The following MALAT1 variants were observed in gnomAD, a reference collection of about 807,000 sequenced individuals.
The protein encoded by MALAT1 is metastasis associated lung adenocarcinoma transcript 1.
intron 2 of MALAT1, chr11:65,498,828 A>G (rs1263305017): frequency 1.9e-6 from 1 of 518,850 alleles, no homozygotes; most frequent in South Asian, 1.4e-5. Flanking sequence ...TGCAGCTCAA[A>G]TCTTTCCACA....
chr11:65,500,889 A>C, exon 3 of MALAT1: 1 of 516,600 alleles, frequency 1.9e-6, no homozygotes, highest in Admixed American at 2.0e-5. Context: ...ATGGGGACGT[A>C]GGCCGATTTC....
At chr11:65,504,389 G>T in intron 3 of MALAT1, 1 of 518,656 alleles carries the variant, frequency 1.9e-6, no homozygotes, top group Non-Finnish European at 3.8e-6. Flanking sequence ...AGTAAATGCA[G>T]TACTGTTCTG....
In MALAT1 at chr11:65,505,334, ACTC is replaced by A. The variant is rs767071213; in HGVS notation, n.5169-924_5169-922del. The stretch of plus-strand genomic sequence containing the variant: ...TTATTAGTAATGAGGACTTGCCTCA[ACTC>A]CCTCTTTCTGGAGTGAAGCATCCGA... On this transcript the variant is annotated intron_variant and non_coding_transcript_variant, in intron 3 of 3. Transcript: ENST00000619449. 6 of 518,628 alleles carry A rather than the reference ACTC, an allele frequency of 1.2e-5. No homozygotes were observed. The East Asian group carries it at 3.3e-4, about 28-fold the overall frequency. 32.1% of individuals were successfully genotyped at this position (518,628 alleles called of 1,614,324 possible). A position where few individuals can be genotyped will look rare whatever the true frequency, so the allele number is the denominator to read the frequency against.
At chr11:65,499,855 A>G (rs1477614128) in exon 3 of MALAT1, 2 of 424,108 alleles carry the variant, frequency 4.7e-6, no homozygotes, top group Admixed American at 3.1e-5. Flanking sequence ...ATTGGAAGAT[A>G]GAAACAAGAT....
chr11:65,498,129 G>A (rs550955655), intron 1 of MALAT1: 1 of 518,848 alleles, frequency 1.9e-6, no homozygotes, highest in Middle Eastern at 3.2e-4. Flanking sequence ...CCCTAAAAAA[G>A]CAGACCCAGA....
chr11:65,499,735 T>A (rs1854496375), exon 3 of MALAT1: 1 of 432,942 alleles, frequency 2.3e-6, no homozygotes, highest in Non-Finnish European at 4.5e-6. Flanking sequence ...GATAAAAACA[T>A]ACTTTTAGAA....
intron 3 of MALAT1, chr11:65,503,943 T>A: frequency 1.9e-6 from 1 of 515,750 alleles, no homozygotes; most frequent in Non-Finnish European, 3.9e-6. Flanking sequence ...TAATTACACA[T>A]TTTATTTCCA....
chr11:65,506,258 A>AG (rs1376745881), intron 3 of MALAT1: 1 of 453,256 alleles, frequency 2.2e-6, no homozygotes. Flanking sequence ...AGTTTTGGGG[A>AG]GGTGGGAGGT....
intron 3 of MALAT1, chr11:65,505,244 T>TG (rs1177060443): frequency 7.7e-6 from 4 of 518,172 alleles, no homozygotes; most frequent in Non-Finnish European, 1.5e-5. Context: ...AGCCTTCCTG[T>TG]GGCAGGAGAG....
intron 3 of MALAT1, chr11:65,505,277 AGGTCAAGAG>A: frequency 1.9e-6 from 1 of 518,786 alleles, no homozygotes; most frequent in Non-Finnish European, 3.8e-6. Flanking sequence ...TATTATCCTA[AGGTCAAGAG>A]AAGTGTCAGC....
chr11:65,504,908 A>G (rs1179886282), intron 3 of MALAT1: 2 of 518,924 alleles, frequency 3.9e-6, no homozygotes, highest in South Asian at 1.4e-5. Flanking sequence ...TAAACCAAAC[A>G]TTCCATTTTA....
At chr11:65,499,798 G>C (rs1481506195) in exon 3 of MALAT1, 4 of 417,524 alleles carry the variant, frequency 9.6e-6, no homozygotes, top group South Asian at 5.3e-5. Context: ...AAAAAGACAA[G>C]CTAGGAAACA....
intron 3 of MALAT1, chr11:65,505,542 A>G (rs1215412246): frequency 1.9e-6 from 1 of 515,850 alleles, no homozygotes; most frequent in Non-Finnish European, 3.9e-6. Flanking sequence ...TCTCCCCACA[A>G]GCAACTTCTC....
At chr11:65,500,331 G>A (rs1432475812) in exon 3 of MALAT1, 7 of 518,270 alleles carry the variant, frequency 1.4e-5, no homozygotes, top group South Asian at 2.8e-5. Flanking sequence ...TAATGTTTTT[G>A]CATTGGACTT....
exon 3 of MALAT1, chr11:65,499,483 G>A (rs1391158614): frequency 4.3e-6 from 2 of 465,368 alleles, no homozygotes; most frequent in East Asian, 5.9e-5. Flanking sequence ...TAATTTGAAG[G>A]CGATCTTTTA....
chr11:65,503,236 GCT>G (rs1487206949), exon 3 of MALAT1: 1 of 515,098 alleles, frequency 1.9e-6, no homozygotes, highest in African/African-American at 1.9e-5. Flanking sequence ...AGGGATAAGT[GCT>G]TATTTTTAAG....
intron 1 of MALAT1, chr11:65,497,965 C>T (rs1369176836): frequency 9.6e-6 from 5 of 518,860 alleles, no homozygotes; most frequent in South Asian, 2.8e-5. Context: ...ATAGGCTGGC[C>T]ATTCCAGGTG....
exon 3 of MALAT1, chr11:65,502,868 T>G (rs1320838407): frequency 2.0e-6 from 1 of 494,478 alleles, no homozygotes; most frequent in South Asian, 1.5e-5. Flanking sequence ...AGTTACGGAA[T>G]CTACCATTTT....
At chr11:65,506,474 T>C, downstream of MALAT1, 2 of 301,046 alleles carry the variant, frequency 6.6e-6, 1 homozygote, top group South Asian at 5.8e-5. Flanking sequence ...TCTAAATTGT[T>C]GTGGTTCTTT....
Sources: allele counts gnomAD v4.1 joint callset, GRCh38; gene constraint gnomAD v4.1.1; transcripts MANE v1.5; gene names NCBI Gene and HGNC (gene_info 2026-07-23, HGNC 2026-07-21).